Variants in RABGAP1L observed in about 807,000 individuals in gnomAD.
The protein encoded by RABGAP1L is RAB GTPase activating protein 1 like.
RABGAP1L carries 63 observed loss-of-function variants against 137.7 expected under a neutral mutation model. That is an observed-to-expected ratio of 0.46 (90% CI 0.37 to 0.56). The LOEUF (loss-of-function observed/expected upper bound fraction) is 0.56. Among genes scored for constraint, RABGAP1L ranks in the 20% least tolerant of loss-of-function variants. The pLI, the probability that RABGAP1L is intolerant of heterozygous loss-of-function variation, is 0.00. For synonymous variants in RABGAP1L, 431 were observed against 433.7 expected (o/e 0.99, Z 0.08); for missense variants, 1,095 against 1,244.0 (o/e 0.88, Z 1.80).
chr1:174,917,808 C>G (rs1661119631), intron 19 of RABGAP1L, among the ~76,000 whole-genome samples: 1 of 151,964 alleles, frequency 6.6e-6, no homozygotes, highest in African/African-American at 2.4e-5. Context: ...TGGCGATTAC[C>G]CGTGATCCCA....
intron 14 of RABGAP1L, among the ~76,000 whole-genome samples, chr1:174,672,226 GTTTAT>G (rs891233721): frequency 1.6e-4 from 22 of 141,844 alleles, no homozygotes; most frequent in Admixed American, 1.0e-3. Context: ...TAGTCTAGGT[GTTTAT>G]TTTATGTTTT....
At chr1:174,557,346 G>A (rs924122187) in intron 13 of RABGAP1L, among the ~76,000 whole-genome samples, 3 of 152,164 alleles carry the variant, frequency 2.0e-5, no homozygotes, top group Non-Finnish European at 4.4e-5. Context: ...CTGTCATTCC[G>A]ATGGCCATGT....
At chr1:174,269,290 A>G (rs1386661954) in intron 7 of RABGAP1L, among the ~76,000 whole-genome samples, 1 of 152,248 alleles carries the variant, frequency 6.6e-6, no homozygotes, top group African/African-American at 2.4e-5. Context: ...GACGTAATGA[A>G]CATGAAAGCA....
In RABGAP1L at chr1:174,597,416, T is replaced by G. The variant is rs190799048; in HGVS notation, c.1711-39959T>G. Reference sequence around the variant, plus strand: ...ACTTGTTAAGGGTCTATTCGAGTTTTTAATTTTTTCCTGGTTCAATCTTGG... The same window carrying G: ...ACTTGTTAAGGGTCTATTCGAGTTTGTAATTTTTTCCTGGTTCAATCTTGG... On this transcript the variant is annotated intron_variant, in intron 13 of 25. Transcript: ENST00000681986. Among the ~76,000 whole-genome samples, 12 of 152,314 alleles carry G rather than the reference T, an allele frequency of 7.9e-5. No individual in the cohort carries two copies. In the East Asian group the frequency reaches 2.3e-3, roughly 29 times the overall value.
chr1:174,169,669 G>C (rs1665184063), intron 1 of RABGAP1L, among the ~76,000 whole-genome samples: 1 of 151,842 alleles, frequency 6.6e-6, no homozygotes, highest in Non-Finnish European at 1.5e-5. Flanking sequence ...CTTTTCTAAA[G>C]ACAGACCTTT....
chr1:174,979,016 A>G (rs1670879606), intron 23 of RABGAP1L, 126 bp downstream of exon 23: 1 of 1,271,392 alleles, frequency 7.9e-7, no homozygotes, highest in Non-Finnish European at 1.0e-6. Context: ...CCATATCTAC[A>G]AGGAAAAAAA....
At chr1:174,662,383 C>A (rs535742268) in intron 14 of RABGAP1L, among the ~76,000 whole-genome samples, 41 of 151,602 alleles carry the variant, frequency 2.7e-4, no homozygotes, top group Non-Finnish European at 5.0e-4. Flanking sequence ...GGATTACAGG[C>A]GTGAGCCACC....
chr1:174,184,435 G>GT (rs1666641965), intron 1 of RABGAP1L, among the ~76,000 whole-genome samples: 1 of 152,114 alleles, frequency 6.6e-6, no homozygotes, highest in South Asian at 2.1e-4. Context: ...GGGTCATATG[G>GT]TAAGACTGTG....
chr1:174,278,485 G>A, intron 9 of RABGAP1L, 128 bp from the exon 10 acceptor site: 3 of 697,574 alleles, frequency 4.3e-6, no homozygotes, highest in Non-Finnish European at 4.8e-6. Flanking sequence ...GAATAGAACA[G>A]TTAAAAATAA....
chr1:174,366,908 A>G (rs1450041848), intron 11 of RABGAP1L, among the ~76,000 whole-genome samples: 2 of 152,142 alleles, frequency 1.3e-5, no homozygotes, highest in Admixed American at 6.5e-5. Context: ...TGTGAAGTCT[A>G]AGAACAGTTA....
intron 11 of RABGAP1L, among the ~76,000 whole-genome samples, chr1:174,324,615 G>A (rs1449116294): frequency 6.6e-6 from 1 of 152,194 alleles, no homozygotes; most frequent in Non-Finnish European, 1.5e-5. Context: ...GAGAATGGCT[G>A]AAATTATCTT....
intron 13 of RABGAP1L, among the ~76,000 whole-genome samples, chr1:174,408,098 G>T (rs1390077057): frequency 6.6e-6 from 1 of 152,124 alleles, no homozygotes; most frequent in South Asian, 2.1e-4. Context: ...GATTCAGGGG[G>T]TACATATGCA....
rs552649889 is a variant in RABGAP1L, at chr1:174,600,185, T to C, written c.1711-37190T>C. ...GTGAGACTTATTCACTATACAAGAATAGCACGGGAAAGACCATCCCCCATG... is the reference window on the plus strand; with the variant it reads ...GTGAGACTTATTCACTATACAAGAACAGCACGGGAAAGACCATCCCCCATG... On this transcript the variant is annotated intron_variant, in intron 13 of 25. Transcript: ENST00000681986. 1.3e-5 allele frequency among the ~76,000 whole-genome samples: 2 copies of C among 152,248 alleles called. 1 individual carries two copies. Among genetic ancestry groups the C allele is most frequent in the South Asian group, 4.2e-4 (2 of 4,816 alleles).
chr1:174,355,391 C>A (rs1683543339), intron 11 of RABGAP1L, among the ~76,000 whole-genome samples: 1 of 147,696 alleles, frequency 6.8e-6, no homozygotes, highest in African/African-American at 2.6e-5. Flanking sequence ...CATGTTCTCA[C>A]TCATAGGTGG....
At chr1:174,648,752 C>A (rs949078285) in intron 14 of RABGAP1L, among the ~76,000 whole-genome samples, 15 of 152,020 alleles carry the variant, frequency 9.9e-5, no homozygotes, top group Admixed American at 2.6e-4. Flanking sequence ...TCCTGAATAT[C>A]CTTGTTAATT....
intron 13 of RABGAP1L, among the ~76,000 whole-genome samples, chr1:174,626,880 A>G (rs969818096): frequency 4.6e-5 from 7 of 152,208 alleles, no homozygotes; most frequent in African/African-American, 1.2e-4. Flanking sequence ...TAGCAGACCA[A>G]TTTGTGATGT....
At chr1:174,480,666 T>G (rs1306760650) in intron 13 of RABGAP1L, among the ~76,000 whole-genome samples, 1 of 152,202 alleles carries the variant, frequency 6.6e-6, no homozygotes, top group Non-Finnish European at 1.5e-5. Context: ...GATTTGAAGA[T>G]CATCATGACC....
At chr1:174,833,469 G>A (rs1026317783) in intron 19 of RABGAP1L, among the ~76,000 whole-genome samples, 176 of 22,826 alleles carry the variant, frequency 7.7e-3, no homozygotes, top group Non-Finnish European at 0.03. Context: ...TATATATATA[G>A]TAGAGACAGG....
At chr1:174,317,207 C>G (rs892912059) in intron 11 of RABGAP1L, among the ~76,000 whole-genome samples, 2 of 151,800 alleles carry the variant, frequency 1.3e-5, no homozygotes, top group African/African-American at 4.8e-5. Flanking sequence ...TTTTCTCAAG[C>G]AGAAGGAGTT....
Sources: allele counts gnomAD v4.1 joint callset (sites outside exome capture counted in the v4.1 genomes callset), GRCh38; gene constraint gnomAD v4.1.1; transcripts MANE v1.5; gene names NCBI Gene and HGNC (gene_info 2026-07-23, HGNC 2026-07-21).